The following TMEM108 variants were observed in gnomAD, a reference collection of about 807,000 sequenced individuals.
The protein encoded by TMEM108 is cancer/testis antigen 124.
A neutral mutation model predicts 35.1 loss-of-function variants in TMEM108; 12 were observed. That is an observed-to-expected ratio of 0.34 (90% CI 0.22 to 0.55). The LOEUF (loss-of-function observed/expected upper bound fraction) is 0.55, where lower values mean the gene tolerates loss of function less well. Ranked by LOEUF, TMEM108 falls within the 20% of genes least tolerant of loss-of-function variation. The pLI is 0.89. For synonymous variants in TMEM108, 287 were observed against 308.6 expected, an observed-to-expected ratio of 0.93 and a Z score of 0.73; for missense variants, 680 against 753.3, an observed-to-expected ratio of 0.90 and a Z score of 1.14.
intron 2 of TMEM108, among the ~76,000 whole-genome samples, chr3:133,199,553 T>G (rs2107824869): frequency 6.6e-6 from 1 of 152,316 alleles, no homozygotes; most frequent in African/African-American, 2.4e-5. Flanking sequence ...GGAGGTCCAC[T>G]CCAGACCCTG....
chr3:133,110,696 A>G (rs1292616367), intron 2 of TMEM108, among the ~76,000 whole-genome samples: 1 of 152,170 alleles, frequency 6.6e-6, no homozygotes, highest in Non-Finnish European at 1.5e-5. Context: ...CTAAACTCTG[A>G]TTTGAAACAG....
intron 3 of TMEM108, chr3:133,253,368 A>G (rs1946498792): frequency 6.6e-6 from 1 of 152,182 alleles, no homozygotes; most frequent in African/African-American, 2.4e-5. Context: ...TCACCTATAT[A>G]AAGTGCATCA....
At chr3:133,076,757 A>G (rs1331968506) in intron 2 of TMEM108, among the ~76,000 whole-genome samples, 1 of 152,214 alleles carries the variant, frequency 6.6e-6, no homozygotes, top group Admixed American at 6.5e-5. Flanking sequence ...GAGATGTAGG[A>G]AGGCTTTGGC....
intron 2 of TMEM108, among the ~76,000 whole-genome samples, chr3:133,068,499 C>A (rs1576301604): frequency 6.6e-6 from 1 of 152,220 alleles, no homozygotes; most frequent in South Asian, 2.1e-4. Context: ...AGAGAGAAAT[C>A]TTATACCACC....
intron 1 of TMEM108, among the ~76,000 whole-genome samples, chr3:133,042,196 C>CG (rs1404840543): frequency 6.6e-6 from 1 of 152,124 alleles, no homozygotes; most frequent in Non-Finnish European, 1.5e-5. Flanking sequence ...ATGAGGGCCC[C>CG]GGCTTTGACT....
At chr3:133,094,221 A>ACCCCACCCCCCACC (rs1378631417) in intron 2 of TMEM108, among the ~76,000 whole-genome samples, 8,904 of 34,088 alleles carry the variant, frequency 0.26, 442 homozygotes, top group East Asian at 0.35. Context: ...CCCACCTCCC[A>ACCCCACCCCCCACC]CCCCACCCCC....
intron 2 of TMEM108, among the ~76,000 whole-genome samples, chr3:133,179,111 A>C (rs1240515951): frequency 4.0e-5 from 6 of 151,794 alleles, no homozygotes; most frequent in African/African-American, 1.4e-4. Context: ...ATGAGATACC[A>C]TCTCACACCA....
At chr3:133,388,162 C>G in intron 4 of TMEM108, 1 of 985,540 alleles carries the variant, frequency 1.0e-6, no homozygotes, top group Non-Finnish European at 1.2e-6. Context: ...TTTCCCACTT[C>G]CCAGATGGTT....
intron 3 of TMEM108, among the ~76,000 whole-genome samples, chr3:133,343,194 A>G (rs2071716096): frequency 6.6e-6 from 1 of 151,906 alleles, no homozygotes; most frequent in Admixed American, 6.6e-5. Flanking sequence ...AACTGTTAGA[A>G]TGGCTAAAAC....
intron 2 of TMEM108, among the ~76,000 whole-genome samples, chr3:133,173,132 T>A (rs1486546203): frequency 6.6e-6 from 1 of 152,220 alleles, no homozygotes; most frequent in Non-Finnish European, 1.5e-5. Flanking sequence ...CATCAAATGC[T>A]GCTCAAGAAG....
chr3:133,170,437 A>G (rs531713344), intron 2 of TMEM108, among the ~76,000 whole-genome samples: 169 of 152,352 alleles, frequency 1.1e-3, no homozygotes, highest in Non-Finnish European at 2.0e-3. Context: ...CAGCTAAGGT[A>G]TGAGTGAAGG....
At chr3:133,305,854 A>G (rs1340721509) in intron 3 of TMEM108, among the ~76,000 whole-genome samples, 2 of 152,224 alleles carry the variant, frequency 1.3e-5, no homozygotes, top group East Asian at 3.9e-4. Flanking sequence ...AGCATTTTTC[A>G]ATATATTTAT....
chr3:133,056,217 C>G (rs964175503), intron 2 of TMEM108, among the ~76,000 whole-genome samples: 1 of 148,018 alleles, frequency 6.8e-6, no homozygotes, highest in Non-Finnish European at 1.5e-5. Context: ...ACTTCTCTTT[C>G]TGAATTTCTT....
intron 3 of TMEM108, among the ~76,000 whole-genome samples, chr3:133,274,249 T>G (rs1946810220): frequency 6.6e-6 from 1 of 152,222 alleles, no homozygotes; most frequent in Admixed American, 6.5e-5. Flanking sequence ...GACTTTGGTT[T>G]CATTTTGTTT....
rs533731058 is a variant in TMEM108 at position 133,346,425 on chromosome 3, A to T, written c.41-33327A>T. Among the ~76,000 whole-genome samples, 1 of 152,140 alleles carries T rather than the reference A, an allele frequency of 6.6e-6. No individual in the cohort carries two copies. The highest frequency in any genetic ancestry group is 2.1e-4 in the South Asian group (1 of 4,820). On this transcript the variant is annotated intron_variant, in intron 3 of 5. Coordinates refer to ENST00000321871, the MANE Select transcript of TMEM108 (RefSeq NM_023943.4). The surrounding 1 kb of genome is among the most constrained non-coding windows in gnomAD (Gnocchi z 4.0). ...GTTCTCTAATGACATATGACATTGA[A>T]CATCTTTTCATATGCTTATTGGCTA...
At position 133,165,982 on chromosome 3, in the gene TMEM108, A is replaced by G. The variant is rs574563620; in HGVS notation, c.-46-63284A>G. On this transcript the variant is annotated intron_variant, in intron 2 of 5. Transcript: ENST00000321871. ...TCTGTGAACCAGCCAGAATCAGTCC[A>G]TGGTTGGTGGTCTTCTCATCAGGAG... Among the ~76,000 whole-genome samples the G allele has an allele frequency of 1.3e-4, 20 of 152,322 alleles. No homozygotes were observed. The East Asian group carries it at 3.7e-3, about 28-fold the overall frequency.
At chr3:133,392,669 C>G (rs2073251952) in intron 5 of TMEM108, among the ~76,000 whole-genome samples, 2 of 152,148 alleles carry the variant, frequency 1.3e-5, no homozygotes, top group Non-Finnish European at 2.9e-5. Context: ...AAACCCAAAC[C>G]TCACATGCAG....
At chr3:133,139,465 A>G (rs908905857) in intron 2 of TMEM108, among the ~76,000 whole-genome samples, 3 of 152,254 alleles carry the variant, frequency 2.0e-5, no homozygotes, top group Non-Finnish European at 2.9e-5. Context: ...AGGAAGTGAT[A>G]TAGATGACCC....
intron 3 of TMEM108, among the ~76,000 whole-genome samples, chr3:133,329,554 C>T (rs887938362): frequency 1.3e-5 from 2 of 152,202 alleles, no homozygotes; most frequent in African/African-American, 4.8e-5. Context: ...CCAGCGGCTC[C>T]TTTTCCCTGC....
Sources: allele counts gnomAD v4.1 joint callset (sites outside exome capture counted in the v4.1 genomes callset), GRCh38; gene constraint gnomAD v4.1.1; non-coding constraint Gnocchi (gnomAD v3.1); transcripts MANE v1.5; gene names NCBI Gene and HGNC (gene_info 2026-07-23, HGNC 2026-07-21).